The following WWOX variants were observed in gnomAD, a reference collection of about 807,000 sequenced individuals.
WWOX encodes WW domain-containing oxidoreductase.
Under a neutral mutation model 46.2 loss-of-function variants are expected in WWOX, and 69 were observed. The ratio of observed to expected loss-of-function variants is 1.49; its 90% CI spans 1.23 to 1.82. WWOX has a LOEUF of 1.82. Among genes scored for constraint, WWOX ranks in the 40% most tolerant of loss-of-function variants. WWOX has a pLI of 0.00. For synonymous variants in WWOX, 359 were observed against 202.6 expected, an observed-to-expected ratio of 1.77 and a Z score of -6.56; for missense variants, 919 against 542.6, an observed-to-expected ratio of 1.69 and a Z score of -6.89.
intron 8 of WWOX, among the ~76,000 whole-genome samples, chr16:79,105,334 C>T (rs575039513): frequency 1.4e-4 from 21 of 152,216 alleles, no homozygotes; most frequent in Non-Finnish European, 2.6e-4. Flanking sequence ...ATAACAAAAG[C>T]AGAACGGTCA....
At chr16:79,088,479 C>G (rs2048894230) in intron 8 of WWOX, among the ~76,000 whole-genome samples, 1 of 152,182 alleles carries the variant, frequency 6.6e-6, no homozygotes, top group African/African-American at 2.4e-5. Context: ...AAGGGATAAC[C>G]TCACAGTCAT....
At chr16:78,704,016 C>T (rs1410659771) in intron 8 of WWOX, among the ~76,000 whole-genome samples, 1 of 152,170 alleles carries the variant, frequency 6.6e-6, no homozygotes, top group East Asian at 1.9e-4. Flanking sequence ...TCCTGTTGTG[C>T]AACCATCACC....
At chr16:78,387,871 C>T (rs1216648988) in intron 6 of WWOX, among the ~76,000 whole-genome samples, 2 of 151,934 alleles carry the variant, frequency 1.3e-5, no homozygotes, top group African/African-American at 4.8e-5. Flanking sequence ...ACAAGAGGCA[C>T]CAGAACCACT....
intron 8 of WWOX, among the ~76,000 whole-genome samples, chr16:78,570,263 C>T (rs1200408561): frequency 1.3e-5 from 2 of 152,074 alleles, no homozygotes; most frequent in Non-Finnish European, 2.9e-5. Context: ...TAAAAACTTG[C>T]GTATAAATGT....
Position 79,161,478 on chromosome 16 carries a change from A to G in WWOX, c.1057-50130A>G, listed in dbSNP as rs1001912207. 7.9e-5 allele frequency among the ~76,000 whole-genome samples: 12 copies of G among 152,168 alleles called. 1 individual carries two copies. Among genetic ancestry groups the G allele is most frequent in the Non-Finnish European group, 1.5e-4 (10 of 68,012 alleles). Reference sequence around the variant, plus strand: ...GGGGAGAGAAGGAGAGAAGAGAGGAAATGAAAATGTTTCTGAATAAGTTAT... The same window carrying G: ...GGGGAGAGAAGGAGAGAAGAGAGGAGATGAAAATGTTTCTGAATAAGTTAT... On this transcript the variant is annotated intron_variant, in intron 8 of 8. Coordinates refer to ENST00000566780, the MANE Select transcript of WWOX (RefSeq NM_016373.4).
chr16:78,557,911 G>T (rs548497124), intron 8 of WWOX, among the ~76,000 whole-genome samples: 6 of 152,050 alleles, frequency 3.9e-5, no homozygotes, highest in Non-Finnish European at 8.8e-5. Flanking sequence ...TGGCCAGGCT[G>T]CTCTCGAACT....
chr16:78,621,317 C>T (rs183237310), intron 8 of WWOX, among the ~76,000 whole-genome samples: 1 of 152,142 alleles, frequency 6.6e-6, no homozygotes, highest in Non-Finnish European at 1.5e-5. Flanking sequence ...ATGCCCCCTT[C>T]TAACCCCCTA....
intron 8 of WWOX, among the ~76,000 whole-genome samples, chr16:79,158,201 A>G: frequency 6.6e-6 from 1 of 152,220 alleles, no homozygotes; most frequent in East Asian, 1.9e-4. Flanking sequence ...TGAGGTGAGC[A>G]AAAAATTGGC....
At position 78,224,256 on chromosome 16, in the gene WWOX, G is replaced by A. The variant is rs561239393; in HGVS notation, c.516+59967G>A. ...CTGACCTCGTGATCCGCCTGCCTCGGCCTCCCAAAGTGCTGGGATTACAGG... is the reference window on the plus strand; with the variant it reads ...CTGACCTCGTGATCCGCCTGCCTCGACCTCCCAAAGTGCTGGGATTACAGG... On this transcript the variant is annotated intron_variant, in intron 5 of 8. Coordinates refer to ENST00000566780, the MANE Select transcript of WWOX (RefSeq NM_016373.4). 7.9e-5 allele frequency among the ~76,000 whole-genome samples: 12 copies of A among 152,198 alleles called. No individual in the cohort carries two copies. In the South Asian group the frequency reaches 2.3e-3, roughly 29 times the overall value.
At position 79,211,669 on chromosome 16, in the gene WWOX, G is replaced by A. The variant is rs769877812; in HGVS notation, c.1118G>A (p.Gly373Glu). 1 of 1,614,204 alleles carries A rather than the reference G, an allele frequency of 6.2e-7. No homozygotes were observed. Among genetic ancestry groups the A allele is most frequent in the Non-Finnish European group, 8.5e-7 (1 of 1,180,034 alleles). The change falls in exon 9 of 9, where the codon GGG (glycine) becomes GAG (glutamate). Residue 373 changes from glycine to glutamate, a missense_variant. Physicochemically the swap from Gly to Glu is moderately conservative, Grantham distance 98. Transcript: ENST00000566780. Reference sequence around the variant, plus strand: ...GTCCCAGAACTGGAGGGTCTGGGAGGGATGTACTTCAACAACTGCTGCCGC... The same window carrying A: ...GTCCCAGAACTGGAGGGTCTGGGAGAGATGTACTTCAACAACTGCTGCCGC... ...AAVPELEGLGGMYFNNCCRCM... is the reference protein window; with the variant it reads ...AAVPELEGLGEMYFNNCCRCM...
chr16:78,847,090 G>A (rs2052319468), intron 8 of WWOX, among the ~76,000 whole-genome samples: 1 of 152,162 alleles, frequency 6.6e-6, no homozygotes, highest in South Asian at 2.1e-4. Context: ...CACTGTAAGA[G>A]GCTTTACACT....
chr16:79,027,154 C>T (rs1042037930), intron 8 of WWOX, among the ~76,000 whole-genome samples: 1 of 151,056 alleles, frequency 6.6e-6, no homozygotes, highest in Non-Finnish European at 1.5e-5. Context: ...GTGGTACATG[C>T]CTGTAGTCCC....
chr16:78,863,474 CAG>C (rs1218289738), intron 8 of WWOX, among the ~76,000 whole-genome samples: 1 of 152,168 alleles, frequency 6.6e-6, no homozygotes, highest in Non-Finnish European at 1.5e-5. Flanking sequence ...TGTCTTTCAT[CAG>C]AGAGTCACCA....
At chr16:78,701,804 G>A (rs1199710704) in intron 8 of WWOX, among the ~76,000 whole-genome samples, 2 of 151,556 alleles carry the variant, frequency 1.3e-5, no homozygotes, top group Non-Finnish European at 2.9e-5. Flanking sequence ...TGCCATCTGG[G>A]GACACATCTT....
At chr16:78,649,035 G>C (rs1326352119) in intron 8 of WWOX, among the ~76,000 whole-genome samples, 1 of 152,086 alleles carries the variant, frequency 6.6e-6, no homozygotes, top group Non-Finnish European at 1.5e-5. Flanking sequence ...GTGCAGCAGT[G>C]TGATCTTGGC....
Position 78,212,673 on chromosome 16 carries a change from A to T in WWOX, c.516+48384A>T, listed in dbSNP as rs188867298. 4.6e-5 allele frequency among the ~76,000 whole-genome samples: 7 copies of T among 152,298 alleles called. No homozygotes were observed. The East Asian group carries it at 1.4e-3, about 29-fold the overall frequency. ...GCAGCATAGAGAGGAACCAAAAAGGACGCAAGATTTAGGATAGATATTGCC... is the reference window on the plus strand; with the variant it reads ...GCAGCATAGAGAGGAACCAAAAAGGTCGCAAGATTTAGGATAGATATTGCC... On this transcript the variant is annotated intron_variant, in intron 5 of 8. Coordinates refer to ENST00000566780, the MANE Select transcript of WWOX (RefSeq NM_016373.4).
At chr16:78,681,810 T>C (rs1375671663) in intron 8 of WWOX, among the ~76,000 whole-genome samples, 1 of 152,214 alleles carries the variant, frequency 6.6e-6, no homozygotes, top group Non-Finnish European at 1.5e-5. Context: ...AGTTACTCTC[T>C]AAGTCAGGGC....
chr16:78,414,713 AC>A (rs1467295529), intron 6 of WWOX, among the ~76,000 whole-genome samples: 2 of 152,142 alleles, frequency 1.3e-5, no homozygotes, highest in African/African-American at 4.8e-5. Flanking sequence ...ATTATTTAAA[AC>A]TCAAGCCCCT....
chr16:79,132,587 G>C (rs976005607), intron 8 of WWOX, among the ~76,000 whole-genome samples: 2 of 151,832 alleles, frequency 1.3e-5, no homozygotes, highest in Non-Finnish European at 2.9e-5. Flanking sequence ...TCTCTGTCTG[G>C]TTTCTCTGTG....
Sources: gnomAD v4.1 joint callset for allele counts (sites outside exome capture counted in the v4.1 genomes callset) on GRCh38, gnomAD v4.1.1 for gene constraint, MANE v1.5 for transcripts, NCBI Gene and HGNC (gene_info 2026-07-23, HGNC 2026-07-21) for gene names.